SH3PXD2A: variants seen among roughly 807,000 people sequenced by gnomAD.
SH3PXD2A encodes SH3 and PX domains 2A, also known as SH3 and PX domain-containing protein 2A.
SH3PXD2A carries 32 observed loss-of-function variants against 115.2 expected under a neutral mutation model. The ratio of observed to expected loss-of-function variants is 0.28; its 90% CI spans 0.21 to 0.37. The LOEUF (loss-of-function observed/expected upper bound fraction) is 0.37, where lower values mean the gene tolerates loss of function less well. Ranked by LOEUF, SH3PXD2A falls within the 10% of genes least tolerant of loss-of-function variation. The pLI is 1.00. For synonymous variants in SH3PXD2A, 610 were observed against 629.1 expected, an observed-to-expected ratio of 0.97 and a Z score of 0.45; for missense variants, 1,328 against 1,498.7, an observed-to-expected ratio of 0.89 and a Z score of 1.88.
intron 6 of SH3PXD2A, among the ~76,000 whole-genome samples, chr10:103,679,871 A>C (rs1455404238): frequency 1.3e-5 from 2 of 152,226 alleles, no homozygotes; most frequent in African/African-American, 2.4e-5. Flanking sequence ...AAAGAGCCTA[A>C]GGTGCTCCAG....
At chr10:103,710,500 G>T (rs957780346) in intron 5 of SH3PXD2A, among the ~76,000 whole-genome samples, 2 of 152,242 alleles carry the variant, frequency 1.3e-5, no homozygotes, top group Admixed American at 6.5e-5. Context: ...CACTTCTATG[G>T]TCCCTATTTT....
intron 13 of SH3PXD2A, chr10:103,608,711 T>G (rs1432519985): frequency 6.6e-6 from 1 of 151,478 alleles, no homozygotes; most frequent in Non-Finnish European, 1.5e-5. Context: ...CAAGCAATCC[T>G]CCTGCCTCAG....
At chr10:103,669,583 C>A (rs2037430897) in intron 6 of SH3PXD2A, among the ~76,000 whole-genome samples, 1 of 152,232 alleles carries the variant, frequency 6.6e-6, no homozygotes, top group South Asian at 2.1e-4. Context: ...CCCATGGCAA[C>A]CCCATCAAGT....
chr10:103,639,242 C>T (rs1362203899), intron 8 of SH3PXD2A, among the ~76,000 whole-genome samples: 1 of 152,130 alleles, frequency 6.6e-6, no homozygotes, highest in Admixed American at 6.5e-5. Context: ...GGAGAAGAGA[C>T]TTGAATTGAA....
At chr10:103,698,665 T>TC in intron 5 of SH3PXD2A, among the ~76,000 whole-genome samples, 1 of 151,526 alleles carries the variant, frequency 6.6e-6, no homozygotes, top group Non-Finnish European at 1.5e-5. Context: ...TAAAAGCACT[T>TC]TTTAAGCTCT....
chr10:103,707,396 T>C (rs976275948), intron 5 of SH3PXD2A, among the ~76,000 whole-genome samples: 5 of 152,036 alleles, frequency 3.3e-5, no homozygotes, highest in Non-Finnish European at 7.4e-5. Flanking sequence ...GGGGTTTCAC[T>C]GTGTTGGGCA....
intron 13 of SH3PXD2A, chr10:103,609,850 C>G (rs963520257): frequency 4.6e-5 from 7 of 152,214 alleles, no homozygotes; most frequent in African/African-American, 1.7e-4. Context: ...AAGACCTCAA[C>G]CTTGGGGCTG....
chr10:103,602,126 C>T lies in SH3PXD2A; in HGVS notation c.3092G>A (p.Arg1031His), dbSNP rs553818409. The change falls in exon 15 of 15, where the codon CGC (arginine) becomes CAC (histidine). Residue 1031 changes from arginine to histidine, a missense_variant. Transcript: ENST00000369774. Reference protein sequence around the residue: ...ARSAAAEAKGRLAERAASQGS... With the variant: ...ARSAAAEAKGHLAERAASQGS... ...CTGGCTGGCAGCCCGTTCGGCCAGG[C>T]GGCCCTTGGCCTCGGCGGCAGCGGA... 4.5e-5 allele frequency: 71 copies of T among 1,583,966 alleles called. No individual in the cohort carries two copies. In the East Asian group the frequency reaches 4.9e-4, roughly 11 times the overall value.
chr10:103,710,392 T>A (rs957359139), intron 5 of SH3PXD2A, among the ~76,000 whole-genome samples: 4 of 152,064 alleles, frequency 2.6e-5, no homozygotes, highest in African/African-American at 9.7e-5. Flanking sequence ...AATAATAATT[T>A]AAAAAATGTA....
intron 10 of SH3PXD2A, among the ~76,000 whole-genome samples, chr10:103,618,029 G>A (rs975390993): frequency 6.6e-6 from 1 of 152,220 alleles, no homozygotes; most frequent in Non-Finnish European, 1.5e-5. Context: ...AGGCAGCACT[G>A]GCCCAAGTGG....
At chr10:103,842,531 C>T (rs1207930039) in intron 1 of SH3PXD2A, among the ~76,000 whole-genome samples, 1 of 152,144 alleles carries the variant, frequency 6.6e-6, no homozygotes, top group Admixed American at 6.5e-5. Flanking sequence ...ATTCATTAAT[C>T]AACCTCTCTT....
chr10:103,765,255 C>A (rs1260405713), intron 3 of SH3PXD2A, among the ~76,000 whole-genome samples: 1 of 152,154 alleles, frequency 6.6e-6, no homozygotes. Context: ...TGCGTTCCAC[C>A]CTCCAAGCCT....
chr10:103,853,117 T>C (rs1842911217), intron 1 of SH3PXD2A, among the ~76,000 whole-genome samples: 1 of 152,156 alleles, frequency 6.6e-6, no homozygotes, highest in African/African-American at 2.4e-5. Flanking sequence ...CCCCCAAACA[T>C]AATGTCATCG....
intron 3 of SH3PXD2A, among the ~76,000 whole-genome samples, chr10:103,739,035 C>A (rs1025622138): frequency 1.3e-5 from 2 of 152,164 alleles, no homozygotes; most frequent in African/African-American, 4.8e-5. Flanking sequence ...TCAGATGATC[C>A]GCCCACCTTG....
chr10:103,812,522 A>G (rs1407100124), intron 1 of SH3PXD2A, among the ~76,000 whole-genome samples: 1 of 152,124 alleles, frequency 6.6e-6, no homozygotes, highest in Non-Finnish European at 1.5e-5. Flanking sequence ...TTCTCATTCC[A>G]CACACTCCCA....
Position 103,603,228 on chromosome 10 carries a change from T to G in SH3PXD2A, c.1990A>C (p.Lys664Gln). The change falls in exon 15 of 15, where the codon AAG becomes CAG. Residue 664 changes from lysine to glutamine, a missense_variant. By Grantham distance (53) the Lys-to-Gln change is moderately conservative. Coordinates refer to ENST00000369774, the MANE Select transcript of SH3PXD2A (RefSeq NM_001394015.1). ...RKNSPKSGSPKSSSLLKLKAE... is the reference protein window; with the variant it reads ...RKNSPKSGSPQSSSLLKLKAE... ...TTGAGCTTTAGGAGTGATGATGACT[T>G]GGGGGAGCCTGATTTGGGGGAGTTT... The G allele has an allele frequency of 6.2e-7, 1 of 1,613,812 alleles. No individual in the cohort carries two copies. Among genetic ancestry groups the G allele is most frequent in the Non-Finnish European group, 8.5e-7 (1 of 1,179,740 alleles).
chr10:103,759,543 G>T (rs554727272), intron 3 of SH3PXD2A, among the ~76,000 whole-genome samples: 1 of 152,222 alleles, frequency 6.6e-6, no homozygotes, highest in Non-Finnish European at 1.5e-5. Context: ...AGGGGACCTC[G>T]CACAGCCTTT....
intron 13 of SH3PXD2A, among the ~76,000 whole-genome samples, chr10:103,608,301 A>C (rs4917397): frequency 0.85 from 127,106 of 149,846 alleles, 54,395 homozygotes; most frequent in East Asian, 1. Context: ...CCAGGGAACG[A>C]GGCCCTGTCG....
At chr10:103,836,593 CCA>C (rs766938864) in intron 1 of SH3PXD2A, among the ~76,000 whole-genome samples, 1 of 150,648 alleles carries the variant, frequency 6.6e-6, no homozygotes, top group Non-Finnish European at 1.5e-5. Flanking sequence ...CACACACAGT[CCA>C]CACTCAAACC....
Sources: gnomAD v4.1 joint callset for allele counts (sites outside exome capture counted in the v4.1 genomes callset) on GRCh38, gnomAD v4.1.1 for gene constraint, MANE v1.5 for transcripts, NCBI Gene and HGNC (gene_info 2026-07-23, HGNC 2026-07-21) for gene names.